NALCN: variants seen among roughly 807,000 people sequenced by gnomAD.
The protein encoded by NALCN is sodium leak channel NALCN.
NALCN carries 111 observed loss-of-function variants against 225.3 expected under a neutral mutation model. That is an observed-to-expected ratio of 0.49 (90% CI 0.42 to 0.58). NALCN has a LOEUF of 0.58. Among genes scored for constraint, NALCN ranks in the 20% least tolerant of loss-of-function variants. NALCN has a pLI of 0.00. For missense variants in NALCN, 1,378 were observed against 2,202.4 expected (o/e 0.63, Z 7.49); for synonymous variants, 764 against 769.0 (o/e 0.99, Z 0.11).
intron 7 of NALCN, among the ~76,000 whole-genome samples, chr13:101,314,266 C>A (rs1234236762): frequency 6.6e-6 from 1 of 151,810 alleles, no homozygotes; most frequent in Non-Finnish European, 1.5e-5. Flanking sequence ...ACATATGTAA[C>A]AAACCTGCAC....
chr13:101,165,713 C>A (rs1044047380), intron 15 of NALCN, among the ~76,000 whole-genome samples: 1 of 152,228 alleles, frequency 6.6e-6, no homozygotes, highest in African/African-American at 2.4e-5. Context: ...TGGGCTCAAA[C>A]AATGTGCTTA....
intron 10 of NALCN, among the ~76,000 whole-genome samples, chr13:101,270,085 A>T (rs1404819326): frequency 6.6e-6 from 1 of 152,220 alleles, no homozygotes; most frequent in Non-Finnish European, 1.5e-5. Flanking sequence ...TGGACGCATT[A>T]GATTAAACAA....
chr13:101,290,110 C>G (rs56380637), intron 9 of NALCN, among the ~76,000 whole-genome samples: 1 of 152,274 alleles, frequency 6.6e-6, no homozygotes, highest in East Asian at 1.9e-4. Flanking sequence ...TCTGAATTAC[C>G]AATTTATTCC....
chr13:101,134,955 G>C lies in NALCN; in HGVS notation c.2118+8125C>G, dbSNP rs566382335. ...CACGCCTGTAGTCCCAGCACTTTGGGAGGCCGAGGCGGGTGGATCACGAGG... is the reference window on the plus strand; with the variant it reads ...CACGCCTGTAGTCCCAGCACTTTGGCAGGCCGAGGCGGGTGGATCACGAGG... On this transcript the variant is annotated intron_variant, in intron 17 of 43. Coordinates refer to ENST00000251127, the MANE Select transcript of NALCN (RefSeq NM_052867.4). Among the ~76,000 whole-genome samples the C allele has an allele frequency of 2.9e-3, 447 of 152,308 alleles. 3 individuals are homozygous for C. The highest frequency in any genetic ancestry group is 0.01 in the African/African-American group (431 of 41,582).
chr13:101,361,602 T>C (rs1233879620), intron 6 of NALCN, among the ~76,000 whole-genome samples: 1 of 152,230 alleles, frequency 6.6e-6, no homozygotes, highest in Non-Finnish European at 1.5e-5. Flanking sequence ...GTCTTGCTTC[T>C]GATACAAGCT....
intron 13 of NALCN, among the ~76,000 whole-genome samples, chr13:101,193,772 A>G (rs182220549): frequency 1.2e-3 from 189 of 152,112 alleles, no homozygotes; most frequent in African/African-American, 4.4e-3. Flanking sequence ...GAGGGCAATT[A>G]TTTTTTTCCT....
intron 14 of NALCN, chr13:101,181,065 T>C (rs1423490460): frequency 3.9e-6 from 2 of 518,114 alleles, no homozygotes; most frequent in Non-Finnish European, 7.7e-6. Flanking sequence ...TCTGGGCACA[T>C]GGGCCAGGGG....
intron 18 of NALCN, among the ~76,000 whole-genome samples, chr13:101,114,969 G>C (rs1337406173): frequency 2.0e-5 from 3 of 152,102 alleles, no homozygotes; most frequent in African/African-American, 4.8e-5. Flanking sequence ...CTCTAAGAGA[G>C]TAGGGTTTTC....
intron 13 of NALCN, among the ~76,000 whole-genome samples, chr13:101,194,947 T>C (rs2039830286): frequency 6.6e-6 from 1 of 152,136 alleles, no homozygotes; most frequent in South Asian, 2.1e-4. Flanking sequence ...GAGGTTTCAG[T>C]GAGCTGAGAT....
At chr13:101,409,874 G>A (rs769979777) in intron 1 of NALCN, among the ~76,000 whole-genome samples, 43 of 152,290 alleles carry the variant, frequency 2.8e-4, no homozygotes, top group Admixed American at 4.6e-4. Flanking sequence ...ACTATAAACC[G>A]AATGGTTCTG....
intron 7 of NALCN, among the ~76,000 whole-genome samples, chr13:101,313,948 T>C (rs2139159598): frequency 6.6e-6 from 1 of 152,180 alleles, no homozygotes; most frequent in East Asian, 1.9e-4. Context: ...TAGGAAAATG[T>C]GGCACATATA....
At chr13:101,180,902 T>C in intron 14 of NALCN, 1 of 375,902 alleles carries the variant, frequency 2.7e-6, no homozygotes, top group Non-Finnish European at 5.2e-6. Context: ...GTCTTATTTC[T>C]TCTCAGAAAG....
intron 10 of NALCN, among the ~76,000 whole-genome samples, chr13:101,264,946 C>A (rs1205721105): frequency 6.6e-6 from 1 of 152,138 alleles, no homozygotes; most frequent in Non-Finnish European, 1.5e-5. Context: ...TTAAGAAATG[C>A]AAATGCAGGT....
At chr13:101,170,080 T>C (rs562386240) in intron 15 of NALCN, among the ~76,000 whole-genome samples, 14 of 143,050 alleles carry the variant, frequency 9.8e-5, no homozygotes, top group East Asian at 3.9e-4. Flanking sequence ...AAAATGGACA[T>C]GCAAATGAGA....
rs550987043 is a variant in NALCN at position 101,339,072 on chromosome 13, T to A, written c.799+6194A>T. Among the ~76,000 whole-genome samples the A allele has an allele frequency of 1.2e-4, 19 of 152,332 alleles. No homozygotes were observed. The Middle Eastern group carries it at 0.017, about 136-fold the overall frequency. On this transcript the variant is annotated intron_variant, in intron 7 of 43. Transcript: ENST00000251127. ...CCTCTTTTATGTCTCAGCTTTTATG[T>A]CTCATATGTTTATGAGCAAGTGGGA...
At chr13:101,147,491 C>T (rs1306212911) in intron 15 of NALCN, among the ~76,000 whole-genome samples, 1 of 151,858 alleles carries the variant, frequency 6.6e-6, no homozygotes, top group East Asian at 1.9e-4. Context: ...TATAAGCATG[C>T]ACCACCACAC....
chr13:101,279,836 A>AAAATAAATAAATAAATAAAT (rs71121179), intron 10 of NALCN, among the ~76,000 whole-genome samples: 2 of 134,048 alleles, frequency 1.5e-5, no homozygotes, highest in African/African-American at 2.9e-5. Context: ...ATAAATAAAT[A>AAAATAAATAAATAAATAAAT]AAATAAATAA....
chr13:101,295,975 T>C (rs754176653), intron 7 of NALCN, among the ~76,000 whole-genome samples: 1 of 152,224 alleles, frequency 6.6e-6, no homozygotes, highest in African/African-American at 2.4e-5. Flanking sequence ...AGAAAGAAAC[T>C]GTAGCTACTG....
chr13:101,148,329 G>A (rs138415229), intron 15 of NALCN, among the ~76,000 whole-genome samples: 45 of 152,274 alleles, frequency 3.0e-4, no homozygotes, highest in African/African-American at 9.4e-4. Context: ...GCTTGTAGCT[G>A]TAACACCCCA....
Sources: gnomAD v4.1 joint callset for allele counts (sites outside exome capture counted in the v4.1 genomes callset) on GRCh38, gnomAD v4.1.1 for gene constraint, MANE v1.5 for transcripts, NCBI Gene and HGNC (gene_info 2026-07-23, HGNC 2026-07-21) for gene names.